The following MGAT4C variants were observed in gnomAD, a reference collection of about 807,000 sequenced individuals.
MGAT4C encodes the protein MGAT4 family member C.
A neutral mutation model predicts 40.1 loss-of-function variants in MGAT4C; 19 were observed. That is an observed-to-expected ratio of 0.47 (90% CI 0.33 to 0.70). MGAT4C has a LOEUF of 0.70. Among genes scored for constraint, MGAT4C ranks in the 30% least tolerant of loss-of-function variants. The pLI, the probability that MGAT4C is intolerant of heterozygous loss-of-function variation, is 0.02. For synonymous variants in MGAT4C, 181 were observed against 187.1 expected (o/e 0.97, Z 0.27); for missense variants, 491 against 563.2 (o/e 0.87, Z 1.30).
intron 2 of MGAT4C, among the ~76,000 whole-genome samples, chr12:86,511,083 A>T (rs1417368359): frequency 6.6e-6 from 1 of 152,078 alleles, no homozygotes. Flanking sequence ...TTGACCACAT[A>T]GTTGGAAGTA....
At chr12:86,352,448 T>C (rs887407085) in intron 3 of MGAT4C, among the ~76,000 whole-genome samples, 3 of 152,110 alleles carry the variant, frequency 2.0e-5, no homozygotes, top group Non-Finnish European at 2.9e-5. Context: ...TACGAACACC[T>C]ATGTATATTA....
intron 1 of MGAT4C, among the ~76,000 whole-genome samples, chr12:86,175,148 T>G (rs1294832730): frequency 6.6e-6 from 1 of 152,094 alleles, no homozygotes; most frequent in African/African-American, 2.4e-5. Flanking sequence ...TTGCCTTAAA[T>G]CAAAGAATGT....
chr12:86,134,559 A>AT lies in MGAT4C; in HGVS notation c.-56-84837dup, dbSNP rs143986964. Among the ~76,000 whole-genome samples the AT allele has an allele frequency of 4.0e-4, 60 of 151,664 alleles. No individual in the cohort carries two copies. The Middle Eastern group carries it at 0.014, about 34-fold the overall frequency. The stretch of plus-strand genomic sequence containing the variant: ...TGATAGCAGCATAACCCATTTTTCT[A>AT]TTTTTTTTCCTTTGTCACCCTCACT... On this transcript the variant is annotated intron_variant, in intron 1 of 4. Transcript: ENST00000611864.
chr12:86,252,413 A>G (rs1376711383), intron 1 of MGAT4C, among the ~76,000 whole-genome samples: 1 of 152,038 alleles, frequency 6.6e-6, no homozygotes, highest in Non-Finnish European at 1.5e-5. Context: ...TTCAGTGGCT[A>G]ATTAAATGAT....
chr12:86,732,309 A>T (rs1950924040), intron 1 of MGAT4C, among the ~76,000 whole-genome samples: 1 of 152,262 alleles, frequency 6.6e-6, no homozygotes, highest in African/African-American at 2.4e-5. Flanking sequence ...CGTGGAAAAC[A>T]ATTTTTTCAC....
intron 4 of MGAT4C, among the ~76,000 whole-genome samples, chr12:86,324,471 T>C (rs1954475705): frequency 1.3e-5 from 2 of 152,086 alleles, no homozygotes; most frequent in South Asian, 2.1e-4. Context: ...ATATTTATTA[T>C]TGCTTTTAAT....
At chr12:86,012,778 A>AACAACCACC (rs1308194133) in intron 2 of MGAT4C, among the ~76,000 whole-genome samples, 1,386 of 136,366 alleles carry the variant, frequency 0.01, 16 homozygotes, top group East Asian at 0.026. Context: ...CAACAACAAC[A>AACAACCACC]ACCACCACCA....
chr12:86,147,155 C>T (rs1275759614), intron 1 of MGAT4C, among the ~76,000 whole-genome samples: 1 of 152,070 alleles, frequency 6.6e-6, no homozygotes, highest in Non-Finnish European at 1.5e-5. Flanking sequence ...ATGTGTTGGA[C>T]CCATATATGT....
chr12:86,121,641 A>C (rs776085279), intron 1 of MGAT4C, among the ~76,000 whole-genome samples: 9 of 152,186 alleles, frequency 5.9e-5, no homozygotes, highest in Non-Finnish European at 1.2e-4. Flanking sequence ...ATATCCAGCC[A>C]AACTAAGCTT....
intron 1 of MGAT4C, among the ~76,000 whole-genome samples, chr12:86,201,793 T>C (rs1950061475): frequency 6.6e-6 from 1 of 152,038 alleles, no homozygotes; most frequent in Non-Finnish European, 1.5e-5. Flanking sequence ...ATGAAAACTA[T>C]TTGTCTTGCC....
chr12:86,118,937 TG>T (rs1422667542), intron 1 of MGAT4C, among the ~76,000 whole-genome samples: 4 of 152,112 alleles, frequency 2.6e-5, no homozygotes, highest in Non-Finnish European at 5.9e-5. Context: ...TAGTCTAAAA[TG>T]GATGTATAAT....
At chr12:86,052,261 T>C (rs1403577474) in intron 1 of MGAT4C, among the ~76,000 whole-genome samples, 3 of 151,654 alleles carry the variant, frequency 2.0e-5, no homozygotes, top group African/African-American at 7.3e-5. Flanking sequence ...CCCCAAATTT[T>C]TTCATTAAAA....
chr12:85,983,771 T>C, intron 3 of MGAT4C, 101 bp from the exon 4 acceptor site: 1 of 948,502 alleles, frequency 1.1e-6, no homozygotes, highest in Non-Finnish European at 1.5e-6. Context: ...CTACAATATA[T>C]AGTATGCAGG....
intron 1 of MGAT4C, among the ~76,000 whole-genome samples, chr12:86,185,729 T>A (rs1368177955): frequency 6.6e-6 from 1 of 152,180 alleles, no homozygotes; most frequent in Admixed American, 6.6e-5. Flanking sequence ...TTAAATTATC[T>A]TAAAGATTCT....
chr12:86,081,172 A>G (rs767556770), intron 1 of MGAT4C, among the ~76,000 whole-genome samples: 21 of 152,190 alleles, frequency 1.4e-4, no homozygotes, highest in Non-Finnish European at 1.9e-4. Context: ...AATAGTAGTG[A>G]AATATAAAAA....
At chr12:86,024,860 C>G (rs982795153) in intron 2 of MGAT4C, among the ~76,000 whole-genome samples, 3 of 151,366 alleles carry the variant, frequency 2.0e-5, no homozygotes, top group African/African-American at 7.3e-5. Context: ...AGTGTCAATT[C>G]CCTTTATTCG....
At chr12:86,235,565 A>G (rs895696910) in intron 1 of MGAT4C, among the ~76,000 whole-genome samples, 3 of 151,862 alleles carry the variant, frequency 2.0e-5, no homozygotes, top group Non-Finnish European at 2.9e-5. Context: ...GACTTTTTTC[A>G]GGTTGATATG....
chr12:86,794,390 T>C (rs1316223685), intron 1 of MGAT4C, among the ~76,000 whole-genome samples: 4 of 151,850 alleles, frequency 2.6e-5, no homozygotes, highest in African/African-American at 9.7e-5. Flanking sequence ...TATGTTTCTT[T>C]TCTATGAAAA....
intron 2 of MGAT4C, among the ~76,000 whole-genome samples, chr12:85,992,181 C>T (rs1402574612): frequency 2.0e-5 from 3 of 152,200 alleles, no homozygotes; most frequent in Non-Finnish European, 4.4e-5. Context: ...ATTTGTCAGT[C>T]AGTTAAAAGC....
Sources: allele counts gnomAD v4.1 joint callset (sites outside exome capture counted in the v4.1 genomes callset), GRCh38; gene constraint gnomAD v4.1.1; transcripts MANE v1.5; gene names NCBI Gene and HGNC (gene_info 2026-07-23, HGNC 2026-07-21).